BMPER: variants seen among roughly 807,000 people sequenced by gnomAD.
BMPER encodes the protein BMP-binding endothelial regulator protein.
In BMPER, 45 loss-of-function variants were observed where a neutral mutation model predicts 87.3. That is an observed-to-expected ratio of 0.52 (90% CI 0.41 to 0.66). The LOEUF (loss-of-function observed/expected upper bound fraction) is 0.66, where lower values mean the gene tolerates loss of function less well. Ranked by LOEUF, BMPER falls within the 30% of genes least tolerant of loss-of-function variation. BMPER has a pLI of 0.00. For missense variants in BMPER, 784 were observed against 867.5 expected (o/e 0.90, Z 1.21); for synonymous variants, 326 against 316.2 (o/e 1.03, Z -0.33).
chr7:34,015,503 G>A (rs2127943500), intron 6 of BMPER, among the ~76,000 whole-genome samples: 1 of 151,984 alleles, frequency 6.6e-6, no homozygotes, highest in Non-Finnish European at 1.5e-5. Flanking sequence ...CTAATAGCTG[G>A]CATATACACA....
chr7:34,076,990 C>G (rs1661738452), intron 11 of BMPER, among the ~76,000 whole-genome samples: 1 of 152,164 alleles, frequency 6.6e-6, no homozygotes, highest in Non-Finnish European at 1.5e-5. Context: ...CTGGAAAAGT[C>G]CTTCTCTTCA....
chr7:33,989,390 G>A lies in BMPER; in HGVS notation c.576+14606G>A, dbSNP rs557218943. 3.1e-3 allele frequency among the ~76,000 whole-genome samples: 476 copies of A among 152,008 alleles called. 3 individuals carry two copies. The highest frequency in any genetic ancestry group is 0.011 in the African/African-American group (453 of 41,454). ...AGTGATGATGAGCTTTTTTTCATGT[G>A]TTTTTTGGCTGCATAAATGTCTTCT... On this transcript the variant is annotated intron_variant, in intron 6 of 14. Coordinates refer to ENST00000649409, the MANE Select transcript of BMPER (RefSeq NM_001365308.1).
At chr7:34,024,357 C>CAA (rs1169634357) in intron 6 of BMPER, among the ~76,000 whole-genome samples, 20 of 4,656 alleles carry the variant, frequency 4.3e-3, no homozygotes, top group African/African-American at 0.012. Context: ...AACTCTGTCT[C>CAA]AAAAAAAAAA....
chr7:33,998,695 T>C (rs1345976656), intron 6 of BMPER, among the ~76,000 whole-genome samples: 1 of 152,196 alleles, frequency 6.6e-6, no homozygotes, highest in East Asian at 1.9e-4. Context: ...GGGCTGTTGT[T>C]GTTGGCTGGA....
chr7:34,037,687 G>A (rs1029133248), intron 6 of BMPER, among the ~76,000 whole-genome samples: 7 of 152,200 alleles, frequency 4.6e-5, no homozygotes, highest in Admixed American at 2.6e-4. Flanking sequence ...TGGCAACAAA[G>A]ACAGTTTTCT....
At chr7:34,020,491 A>G (rs976859550) in intron 6 of BMPER, among the ~76,000 whole-genome samples, 3 of 151,920 alleles carry the variant, frequency 2.0e-5, no homozygotes, top group Non-Finnish European at 2.9e-5. Flanking sequence ...ATTCCATGGG[A>G]TGCTTGCTGA....
chr7:34,152,568 T>C (rs1478986481), intron 14 of BMPER, among the ~76,000 whole-genome samples: 4 of 152,174 alleles, frequency 2.6e-5, no homozygotes, highest in Admixed American at 6.5e-5. Context: ...CTATTTGGCT[T>C]ACCCCAGTCT....
chr7:33,917,277 T>C (rs978342690), intron 2 of BMPER, among the ~76,000 whole-genome samples: 1 of 152,168 alleles, frequency 6.6e-6, no homozygotes, highest in African/African-American at 2.4e-5. Flanking sequence ...GCCTTCATGT[T>C]TATATTAGGT....
intron 6 of BMPER, among the ~76,000 whole-genome samples, chr7:34,014,308 G>A (rs991703914): frequency 6.6e-6 from 1 of 151,904 alleles, no homozygotes; most frequent in Non-Finnish European, 1.5e-5. Flanking sequence ...TTTGACAGTG[G>A]GTCAGTGAGG....
intron 12 of BMPER, 38 bp downstream of exon 12, chr7:34,079,224 G>T (rs773592998): frequency 5.0e-6 from 8 of 1,610,516 alleles, no homozygotes; most frequent in Middle Eastern, 1.6e-4. Context: ...TCTAGCCTCC[G>T]CCTCACTTAC....
chr7:34,020,278 T>C (rs1217672496), intron 6 of BMPER, among the ~76,000 whole-genome samples: 2 of 151,948 alleles, frequency 1.3e-5, no homozygotes, highest in Non-Finnish European at 2.9e-5. Context: ...AGTAAAGTAA[T>C]GGCAAATGTG....
At chr7:33,921,372 A>C (rs1486326795) in intron 2 of BMPER, among the ~76,000 whole-genome samples, 1 of 152,234 alleles carries the variant, frequency 6.6e-6, no homozygotes, top group African/African-American at 2.4e-5. Context: ...TGAGCTCATT[A>C]AGGCTCAGAA....
intron 6 of BMPER, among the ~76,000 whole-genome samples, chr7:33,996,793 T>C (rs1429894783): frequency 2.0e-5 from 3 of 152,222 alleles, no homozygotes; most frequent in Non-Finnish European, 4.4e-5. Context: ...CCTAACCCCA[T>C]ATATCCAAAA....
chr7:33,936,974 G>T (rs1784617821), intron 2 of BMPER, among the ~76,000 whole-genome samples: 1 of 152,196 alleles, frequency 6.6e-6, no homozygotes, highest in Admixed American at 6.5e-5. Flanking sequence ...TCTGTAGTGT[G>T]TACTAAAAAG....
At chr7:34,016,301 G>A (rs1285717470) in intron 6 of BMPER, among the ~76,000 whole-genome samples, 3 of 151,890 alleles carry the variant, frequency 2.0e-5, no homozygotes, top group Non-Finnish European at 2.9e-5. Context: ...GAGAGAGTTT[G>A]GGGCTGTGAT....
At chr7:34,089,914 A>G (rs531425357) in intron 13 of BMPER, among the ~76,000 whole-genome samples, 11 of 152,346 alleles carry the variant, frequency 7.2e-5, no homozygotes, top group Non-Finnish European at 1.3e-4. Context: ...AAATTACTTC[A>G]TAGTAATCAA....
chr7:34,132,982 T>TA (rs1790632592), intron 13 of BMPER, among the ~76,000 whole-genome samples: 4 of 152,108 alleles, frequency 2.6e-5, no homozygotes, highest in African/African-American at 9.7e-5. Context: ...ATCTTTTTTT[T>TA]AAATTTGAAT....
chr7:33,947,251 C>T (rs1243898986), intron 3 of BMPER, among the ~76,000 whole-genome samples: 4 of 152,004 alleles, frequency 2.6e-5, no homozygotes, highest in Admixed American at 1.3e-4. Flanking sequence ...CTTTCATGAA[C>T]AATAATGTGT....
At chr7:34,137,263 G>T (rs1354163279) in intron 13 of BMPER, among the ~76,000 whole-genome samples, 1 of 152,204 alleles carries the variant, frequency 6.6e-6, no homozygotes, top group African/African-American at 2.4e-5. Flanking sequence ...CAGCAGAAAG[G>T]TTCTTGCAGA....
Sources: allele counts gnomAD v4.1 joint callset (sites outside exome capture counted in the v4.1 genomes callset), GRCh38; gene constraint gnomAD v4.1.1; transcripts MANE v1.5; gene names NCBI Gene and HGNC (gene_info 2026-07-23, HGNC 2026-07-21).